PRCP: variants seen among roughly 807,000 people sequenced by gnomAD.
The protein encoded by PRCP is lysosomal Pro-X carboxypeptidase.
A neutral mutation model predicts 54.2 loss-of-function variants in PRCP; 46 were observed. The ratio of observed to expected loss-of-function variants is 0.85; its 90% CI spans 0.67 to 1.09. The LOEUF (loss-of-function observed/expected upper bound fraction) is 1.09. Ranked by LOEUF, PRCP falls within the 50% of genes least tolerant of loss-of-function variation. The pLI is 0.00. For synonymous variants in PRCP, 240 were observed against 212.2 expected, an observed-to-expected ratio of 1.13 and a Z score of -1.14; for missense variants, 613 against 596.8, an observed-to-expected ratio of 1.03 and a Z score of -0.28.
In PRCP at chr11:82,843,986, T is replaced by TG. The variant is rs1291079189; in HGVS notation, c.922-4562dup. Among the ~76,000 whole-genome samples the TG allele has an allele frequency of 2.7e-3, 306 of 114,410 alleles. 2 individuals carry two copies. Among genetic ancestry groups the TG allele is most frequent in the African/African-American group, 8.8e-3 (284 of 32,312 alleles). 75.1% of individuals were successfully genotyped at this position (114,410 alleles called of 152,430 possible). On this transcript the variant is annotated intron_variant, in intron 6 of 8. Transcript: ENST00000313010. ...CTATCAGCACATTACCTGTCTGATG[T>TG]GGGAAAAAAAAAAAAAAAAAGCACT...
chr11:82,898,283 T>A (rs1860164802), intron 1 of PRCP, among the ~76,000 whole-genome samples: 1 of 152,334 alleles, frequency 6.6e-6, no homozygotes, highest in Non-Finnish European at 1.5e-5. Flanking sequence ...GGACTTTGCA[T>A]ATCATCAAAA....
intron 1 of PRCP, among the ~76,000 whole-genome samples, chr11:82,881,536 T>C (rs964739644): frequency 1.3e-5 from 2 of 151,902 alleles, no homozygotes; most frequent in Non-Finnish European, 2.9e-5. Context: ...AAAGCCTGGA[T>C]TGGACAAAAG....
intron 3 of PRCP, among the ~76,000 whole-genome samples, chr11:82,852,147 T>C (rs1262491559): frequency 6.6e-6 from 1 of 152,186 alleles, no homozygotes; most frequent in Non-Finnish European, 1.5e-5. Context: ...TCAGGACTTG[T>C]CAAGTCCCTT....
At chr11:82,899,657 C>T (rs375034225) in intron 1 of PRCP, among the ~76,000 whole-genome samples, 1 of 151,462 alleles carries the variant, frequency 6.6e-6, no homozygotes, top group African/African-American at 2.4e-5. Flanking sequence ...CCACCACAAA[C>T]TCCTACAACT....
intron 8 of PRCP, among the ~76,000 whole-genome samples, chr11:82,834,043 T>C (rs1459594344): frequency 1.3e-5 from 2 of 152,144 alleles, no homozygotes; most frequent in Admixed American, 6.5e-5. Context: ...ATAACTAATA[T>C]ACTTGTAAAA....
chr11:82,839,462 A>T (rs1317451746), intron 6 of PRCP, 37 bp from the exon 7 acceptor site: 1 of 1,551,876 alleles, frequency 6.4e-7, no homozygotes, highest in South Asian at 1.1e-5. Context: ...AAAGAGTCAG[A>T]ATATGAATAT....
chr11:82,848,916 G>T, intron 6 of PRCP, 133 bp downstream of exon 6: 2 of 870,336 alleles, frequency 2.3e-6, no homozygotes, highest in Non-Finnish European at 3.4e-6. Flanking sequence ...CAGAACCCAG[G>T]ATTCCAGCTC....
chr11:82,847,859 G>A (rs1015172246), intron 6 of PRCP, among the ~76,000 whole-genome samples: 4 of 152,162 alleles, frequency 2.6e-5, no homozygotes, highest in East Asian at 1.9e-4. Flanking sequence ...CTCCCAAAGT[G>A]CAGGGATTAC....
At chr11:82,890,369 T>G (rs1487007380) in intron 1 of PRCP, among the ~76,000 whole-genome samples, 1 of 152,166 alleles carries the variant, frequency 6.6e-6, no homozygotes, top group Non-Finnish European at 1.5e-5. Flanking sequence ...CATACCACCT[T>G]CTTACCTTCA....
intron 5 of PRCP, among the ~76,000 whole-genome samples, 162 bp from the exon 6 acceptor site, chr11:82,849,380 G>T (rs1204662177): frequency 6.6e-6 from 1 of 152,162 alleles, no homozygotes; most frequent in African/African-American, 2.4e-5. Context: ...CAGACAAGTT[G>T]CCTATCCTCA....
chr11:82,874,692 A>G, intron 1 of PRCP, among the ~76,000 whole-genome samples: 1 of 129,228 alleles, frequency 7.7e-6, no homozygotes, highest in Non-Finnish European at 1.6e-5. Flanking sequence ...CCCTGTCTCA[A>G]AAAAAAAAAA....
chr11:82,849,341 AT>A lies in PRCP; in HGVS notation c.752-124del, dbSNP rs1226577653. 15 of 1,092,556 alleles carry A rather than the reference AT, an allele frequency of 1.4e-5. No individual in the cohort carries two copies. In the African/African-American group the frequency reaches 2.2e-4, roughly 16 times the overall value. 67.7% of individuals were successfully genotyped at this position (1,092,556 alleles called of 1,614,324 possible). A position where few individuals can be genotyped will look rare whatever the true frequency, so the allele number is the denominator to read the frequency against. On this transcript the variant is annotated intron_variant, in intron 5 of 8. Transcript: ENST00000313010. Reference sequence around the variant, plus strand: ...TCTTTTATACCCCTTCTCCCAGGATATTTTCAGAGCAACTGGAGAATCCCAT... The same window carrying A: ...TCTTTTATACCCCTTCTCCCAGGATATTTCAGAGCAACTGGAGAATCCCAT...
At chr11:82,895,546 AT>A (rs1270208962) in intron 1 of PRCP, among the ~76,000 whole-genome samples, 1 of 152,140 alleles carries the variant, frequency 6.6e-6, no homozygotes, top group Non-Finnish European at 1.5e-5. Context: ...AGGTCAATCC[AT>A]CATATCTAAG....
intron 1 of PRCP, among the ~76,000 whole-genome samples, chr11:82,896,012 A>T: frequency 6.6e-6 from 1 of 152,228 alleles, no homozygotes; most frequent in East Asian, 1.9e-4. Flanking sequence ...TCAGCAGTTA[A>T]ATAGGAATAG....
At chr11:82,867,596 A>T (rs955281998) in intron 1 of PRCP, among the ~76,000 whole-genome samples, 2 of 152,380 alleles carry the variant, frequency 1.3e-5, no homozygotes, top group South Asian at 4.1e-4. Flanking sequence ...ACCGGGCCAC[A>T]GCTCAAGCTC....
chr11:82,880,763 T>C (rs1859729723), intron 1 of PRCP, among the ~76,000 whole-genome samples: 1 of 148,492 alleles, frequency 6.7e-6, no homozygotes, highest in Admixed American at 6.7e-5. Context: ...GAAAACAAAA[T>C]GGTGAATAAA....
intron 6 of PRCP, among the ~76,000 whole-genome samples, chr11:82,842,658 G>C (rs1333046072): frequency 2.0e-5 from 3 of 152,152 alleles, no homozygotes; most frequent in Non-Finnish European, 4.4e-5. Context: ...GCTCAAAAGA[G>C]ATCAACATGT....
intron 6 of PRCP, among the ~76,000 whole-genome samples, chr11:82,847,892 C>A (rs775212043): frequency 2.4e-4 from 37 of 152,280 alleles, no homozygotes; most frequent in South Asian, 4.2e-4. Context: ...CCATGCCAGG[C>A]CTATTGATTT....
rs771957327 is a variant in PRCP at position 82,850,494 on chromosome 11, G to A, written c.423C>T (p.His141=). Reference sequence around the variant, plus strand: ...CTTGTTCTGATGTCAGGAAATTCAAGTGTCTGGAATCCTAAAGAAATATAA... The same window carrying A: ...CTTGTTCTGATGTCAGGAAATTCAAATGTCTGGAATCCTAAAGAAATATAA... ...FGDNSFKDSR[H]LNFLTSEQAL... Residue 141 remains histidine (H), a synonymous_variant, in exon 4 of 9, where the codon CAC becomes CAT. Transcript: ENST00000313010. The A allele has an allele frequency of 1.0e-5, 16 of 1,567,886 alleles. No homozygotes were observed. The highest frequency in any genetic ancestry group is 1.7e-4 in the Middle Eastern group (1 of 5,936).
Sources: gnomAD v4.1 joint callset for allele counts (sites outside exome capture counted in the v4.1 genomes callset) on GRCh38, gnomAD v4.1.1 for gene constraint, MANE v1.5 for transcripts, NCBI Gene and HGNC (gene_info 2026-07-23, HGNC 2026-07-21) for gene names.